LINGO2: variants seen among roughly 807,000 people sequenced by gnomAD.
LINGO2 encodes the protein leucine rich repeat and Ig domain containing 2.
In LINGO2, 14 loss-of-function variants were observed where a neutral mutation model predicts 30.6. The ratio of observed to expected loss-of-function variants is 0.46; its 90% CI spans 0.30 to 0.72. The LOEUF is 0.72. LINGO2 is among the 30% of genes least tolerant of loss of function. The probability of loss-of-function intolerance (pLI) is 0.07; values close to 1 mark genes in which losing one functional copy is unlikely to be tolerated. For synonymous variants in LINGO2, 317 were observed against 288.5 expected (o/e 1.10, Z -1.00); for missense variants, 729 against 751.7 (o/e 0.97, Z 0.35).
rs530273170 is a variant in LINGO2, at chr9:28,617,367, A to C, written c.-365+52833T>G. Among the ~76,000 whole-genome samples the C allele has an allele frequency of 2.3e-4, 34 of 150,754 alleles. 2 individuals are homozygous for C. The highest frequency in any genetic ancestry group is 1.4e-3 in the East Asian group (7 of 5,090). On this transcript the variant is annotated intron_variant, in intron 1 of 5. Coordinates refer to ENST00000379992, the Ensembl canonical transcript of LINGO2. The stretch of plus-strand genomic sequence containing the variant: ...CTGGAGTGCAGTGGCGCGATCTCGG[A>C]TCACTGCAACTTCCGCCTCCCAGGT...
At chr9:28,849,675 A>T in the LINGO2 span, among the ~76,000 whole-genome samples, 2 of 151,900 alleles carry the variant, frequency 1.3e-5, no homozygotes, top group Admixed American at 1.3e-4. Context: ...TACTTAACAC[A>T]AGCTACCGAG....
the LINGO2 span, chr9:27,941,035 A>ACCTTAATAGCCATCAAAAGGGGATGGAT: frequency 1.3e-5 from 2 of 152,060 alleles, no homozygotes; most frequent in African/African-American, 2.4e-5. Context: ...TACTAGCATA[A>ACCTTAATAGCCATCAAAAGGGGATGGAT]AATAAAAGCC....
the LINGO2 span, among the ~76,000 whole-genome samples, chr9:28,748,432 C>T: frequency 6.6e-6 from 1 of 151,818 alleles, no homozygotes; most frequent in Non-Finnish European, 1.5e-5. Flanking sequence ...ATGTTCCTCA[C>T]ACACTACTAT....
At chr9:28,361,820 T>C (rs1820457526) in intron 3 of LINGO2, among the ~76,000 whole-genome samples, 1 of 152,232 alleles carries the variant, frequency 6.6e-6, no homozygotes, top group Non-Finnish European at 1.5e-5. Context: ...AGACATTTTA[T>C]AGCAACTTTG....
chr9:28,278,091 A>T (rs1477351593), intron 4 of LINGO2, among the ~76,000 whole-genome samples: 1 of 152,204 alleles, frequency 6.6e-6, no homozygotes, highest in East Asian at 1.9e-4. Context: ...AACCAGACAC[A>T]AGATTCCATT....
intron 4 of LINGO2, among the ~76,000 whole-genome samples, chr9:28,226,700 A>G (rs1377251707): frequency 3.3e-5 from 5 of 149,738 alleles, no homozygotes; most frequent in African/African-American, 4.9e-5. Context: ...AGAAAGAAAG[A>G]AAGAGAAAGA....
the LINGO2 span, among the ~76,000 whole-genome samples, chr9:29,028,429 T>TGTGAGAGAGA: frequency 8.9e-6 from 1 of 112,750 alleles, no homozygotes; most frequent in African/African-American, 3.7e-5. Context: ...TGGGGGGGGG[T>TGTGAGAGAGA]GAGAGAGAGA....
In LINGO2 at chr9:27,990,538, T is replaced by C. The variant is rs1307822510; in HGVS notation, c.-36+21817A>G. On this transcript the variant is annotated intron_variant, in intron 5 of 5. Coordinates refer to ENST00000379992, the Ensembl canonical transcript of LINGO2. Reference sequence around the variant, plus strand: ...CTTCCAGCCAATGGAATATAATATATGAAGTAGTCAATTTTAAAAATTTGG... The same window carrying C: ...CTTCCAGCCAATGGAATATAATATACGAAGTAGTCAATTTTAAAAATTTGG... Among the ~76,000 whole-genome samples, 5 of 148,468 alleles carry C rather than the reference T, an allele frequency of 3.4e-5. 1 individual carries two copies. The highest frequency in any genetic ancestry group is 1.2e-4 in the African/African-American group (5 of 40,476).
At chr9:28,157,535 A>C (rs975901193) in intron 4 of LINGO2, among the ~76,000 whole-genome samples, 10 of 152,148 alleles carry the variant, frequency 6.6e-5, no homozygotes, top group African/African-American at 2.2e-4. Flanking sequence ...GGGGATTAAC[A>C]TTTGGCTCCT....
chr9:28,931,720 A>AT, the LINGO2 span, among the ~76,000 whole-genome samples: 4 of 152,240 alleles, frequency 2.6e-5, no homozygotes, highest in Non-Finnish European at 5.9e-5. Context: ...TGTTTAGCAA[A>AT]TATAGTAGTT....
At chr9:29,191,316 T>G in the LINGO2 span, among the ~76,000 whole-genome samples, 1 of 152,324 alleles carries the variant, frequency 6.6e-6, no homozygotes, top group Middle Eastern at 3.4e-3. Flanking sequence ...AACTGTGAAC[T>G]TAAGAATTTC....
intron 4 of LINGO2, among the ~76,000 whole-genome samples, chr9:28,215,453 T>C (rs1820732036): frequency 1.3e-5 from 2 of 151,898 alleles, no homozygotes; most frequent in Non-Finnish European, 2.9e-5. Context: ...TTGAAATCTA[T>C]GCTCATTTGC....
chr9:28,326,531 G>A (rs984179223), intron 3 of LINGO2, among the ~76,000 whole-genome samples: 1 of 152,102 alleles, frequency 6.6e-6, no homozygotes, highest in African/African-American at 2.4e-5. Context: ...ACCACAAATA[G>A]TAATTACTGT....
intron 1 of LINGO2, among the ~76,000 whole-genome samples, chr9:28,619,055 A>G (rs1362140706): frequency 6.6e-6 from 1 of 152,186 alleles, no homozygotes; most frequent in Non-Finnish European, 1.5e-5. Context: ...ATAAGGTCTT[A>G]CAAAGGACTT....
chr9:28,382,263 G>T (rs1821385553), intron 2 of LINGO2, among the ~76,000 whole-genome samples: 1 of 151,974 alleles, frequency 6.6e-6, no homozygotes, highest in East Asian at 1.9e-4. Context: ...TTATATTTAT[G>T]ACATTCAAAA....
intron 1 of LINGO2, among the ~76,000 whole-genome samples, chr9:28,578,071 T>C (rs1484447453): frequency 6.6e-6 from 1 of 152,132 alleles, no homozygotes; most frequent in Non-Finnish European, 1.5e-5. Context: ...CAGAGTACAT[T>C]CAGAAGGTGC....
the LINGO2 span, among the ~76,000 whole-genome samples, chr9:29,208,456 A>G: frequency 6.6e-6 from 1 of 152,180 alleles, no homozygotes; most frequent in African/African-American, 2.4e-5. Context: ...ACTTTGAGAA[A>G]ATCATCTCCC....
At chr9:28,742,147 C>CA in the LINGO2 span, among the ~76,000 whole-genome samples, 1 of 151,948 alleles carries the variant, frequency 6.6e-6, no homozygotes, top group Admixed American at 6.5e-5. Flanking sequence ...GGGTTTGAGG[C>CA]AAAATCTAAT....
the LINGO2 span, among the ~76,000 whole-genome samples, chr9:28,903,349 C>T: frequency 2.6e-5 from 4 of 152,066 alleles, no homozygotes; most frequent in Non-Finnish European, 5.9e-5. Flanking sequence ...TATGAACAGA[C>T]CAATAATGAG....
Sources: gnomAD v4.1 joint callset for allele counts (sites outside exome capture counted in the v4.1 genomes callset) on GRCh38, gnomAD v4.1.1 for gene constraint, MANE v1.5 for transcripts, NCBI Gene and HGNC (gene_info 2026-07-23, HGNC 2026-07-21) for gene names.